Variants in ZNF804A observed in about 807,000 individuals in gnomAD.
ZNF804A encodes the protein zinc finger protein 804A.
A neutral mutation model predicts 16.5 loss-of-function variants in ZNF804A; 2 were observed. The ratio of observed to expected loss-of-function variants is 0.12; its 90% confidence interval spans 0.05 to 0.38. ZNF804A has a LOEUF of 0.38. Ranked by LOEUF, ZNF804A falls within the 10% of genes least tolerant of loss-of-function variation. The pLI is 0.99. For missense variants in ZNF804A, 1,473 were observed against 1,390.7 expected (o/e 1.06, Z -0.94); for synonymous variants, 534 against 489.6 (o/e 1.09, Z -1.20).
intron 2 of ZNF804A, among the ~76,000 whole-genome samples, chr2:184,881,637 A>T (rs2105817951): frequency 6.6e-6 from 1 of 152,182 alleles, no homozygotes; most frequent in Admixed American, 6.5e-5. Flanking sequence ...TAAAGAAAAG[A>T]ATTACTAAGA....
At chr2:184,850,329 G>C (rs1425088601) in intron 1 of ZNF804A, among the ~76,000 whole-genome samples, 1 of 151,788 alleles carries the variant, frequency 6.6e-6, no homozygotes, top group Admixed American at 6.6e-5. Flanking sequence ...AACATCATGT[G>C]TACCCATAAT....
At chr2:184,801,661 G>A (rs1021166111) in intron 1 of ZNF804A, among the ~76,000 whole-genome samples, 11 of 151,878 alleles carry the variant, frequency 7.2e-5, no homozygotes, top group Admixed American at 2.0e-4. Flanking sequence ...GAGTTTTTAC[G>A]TTTCTGCTTA....
At chr2:184,652,125 G>GT (rs1314503398) in intron 1 of ZNF804A, among the ~76,000 whole-genome samples, 1 of 152,188 alleles carries the variant, frequency 6.6e-6, no homozygotes, top group South Asian at 2.1e-4. Context: ...ACAAAATCAA[G>GT]TTTTTTTGCA....
chr2:184,895,605 C>T (rs1685052283), intron 2 of ZNF804A, among the ~76,000 whole-genome samples: 1 of 152,204 alleles, frequency 6.6e-6, no homozygotes, highest in South Asian at 2.1e-4. Flanking sequence ...AGTTATAATT[C>T]TGTGCCTAAT....
intron 1 of ZNF804A, among the ~76,000 whole-genome samples, chr2:184,750,987 T>C (rs535229142): frequency 1.3e-5 from 2 of 151,636 alleles, no homozygotes; most frequent in African/African-American, 4.8e-5. Context: ...CTGTTCACCC[T>C]GTTGCCACAA....
chr2:184,624,142 G>A (rs1574136246), intron 1 of ZNF804A, among the ~76,000 whole-genome samples: 1 of 152,098 alleles, frequency 6.6e-6, no homozygotes, highest in African/African-American at 2.4e-5. Context: ...TTAAAGGAGT[G>A]TTGGCTCCAT....
intron 1 of ZNF804A, among the ~76,000 whole-genome samples, chr2:184,637,394 A>G (rs534794332): frequency 1.1e-4 from 16 of 152,286 alleles, no homozygotes; most frequent in South Asian, 6.2e-4. Context: ...ACTTAGGAGA[A>G]TATTTCCAGT....
At chr2:184,681,702 C>T (rs548057532) in intron 1 of ZNF804A, among the ~76,000 whole-genome samples, 2 of 152,154 alleles carry the variant, frequency 1.3e-5, no homozygotes, top group Admixed American at 6.5e-5. Context: ...AAGTGCAGCC[C>T]GGACTGTGCA....
At chr2:184,784,735 C>G (rs113799717) in intron 1 of ZNF804A, among the ~76,000 whole-genome samples, 2,212 of 152,082 alleles carry the variant, frequency 0.015, 59 homozygotes, top group African/African-American at 0.05. Flanking sequence ...CAGCTGATTT[C>G]TCTCTGAAAT....
At chr2:184,784,512 G>T in intron 1 of ZNF804A, among the ~76,000 whole-genome samples, 1 of 151,802 alleles carries the variant, frequency 6.6e-6, no homozygotes, top group Admixed American at 6.6e-5. Context: ...ACAGCAGTAG[G>T]AAATAGGCTT....
chr2:184,882,293 G>C (rs1684820502), intron 2 of ZNF804A, among the ~76,000 whole-genome samples: 1 of 152,010 alleles, frequency 6.6e-6, no homozygotes, highest in African/African-American at 2.4e-5. Flanking sequence ...GGAGCACCCA[G>C]ATTCATAAAG....
intron 1 of ZNF804A, among the ~76,000 whole-genome samples, chr2:184,676,520 T>C (rs1434317930): frequency 6.6e-6 from 1 of 151,608 alleles, no homozygotes; most frequent in Non-Finnish European, 1.5e-5. Flanking sequence ...CTGAACAAAT[T>C]GATGAAGACA....
chr2:184,828,169 A>G (rs944679272), intron 1 of ZNF804A, among the ~76,000 whole-genome samples: 1 of 151,834 alleles, frequency 6.6e-6, no homozygotes, highest in Non-Finnish European at 1.5e-5. Context: ...ACTGTAAAAA[A>G]CAAGATAGGT....
At chr2:184,599,131 A>G in intron 1 of ZNF804A, 61 bp downstream of exon 1, 1 of 1,314,030 alleles carries the variant, frequency 7.6e-7, no homozygotes, top group South Asian at 1.2e-5. Flanking sequence ...TGGAAGATTG[A>G]GTTTTTGGAG....
At chr2:184,669,601 T>C (rs1692310198) in intron 1 of ZNF804A, among the ~76,000 whole-genome samples, 1 of 152,022 alleles carries the variant, frequency 6.6e-6, no homozygotes, top group East Asian at 1.9e-4. Context: ...GGCTGATGAG[T>C]AGTTGTGAAA....
chr2:184,901,677 G>T (rs1337400835), intron 2 of ZNF804A, among the ~76,000 whole-genome samples: 1 of 152,030 alleles, frequency 6.6e-6, no homozygotes, highest in South Asian at 2.1e-4. Context: ...AACCGTCATT[G>T]AATATTTTTG....
intron 1 of ZNF804A, among the ~76,000 whole-genome samples, chr2:184,729,419 A>G (rs1230889448): frequency 6.6e-6 from 1 of 152,000 alleles, no homozygotes; most frequent in Non-Finnish European, 1.5e-5. Context: ...ATATGCCAAC[A>G]GTGAAACCAT....
intron 1 of ZNF804A, among the ~76,000 whole-genome samples, chr2:184,822,366 A>G (rs1695098662): frequency 6.6e-6 from 1 of 152,088 alleles, no homozygotes; most frequent in Non-Finnish European, 1.5e-5. Flanking sequence ...CTATGAAAAC[A>G]TCTGGACACA....
At chr2:184,741,684 GTTC>G (rs1693710835) in intron 1 of ZNF804A, among the ~76,000 whole-genome samples, 1 of 152,108 alleles carries the variant, frequency 6.6e-6, no homozygotes. Context: ...CACTGCTGAA[GTTC>G]TAAATGCTAT....
Sources: gnomAD v4.1 joint callset for allele counts (sites outside exome capture counted in the v4.1 genomes callset) on GRCh38, gnomAD v4.1.1 for gene constraint, MANE v1.5 for transcripts, NCBI Gene and HGNC (gene_info 2026-07-23, HGNC 2026-07-21) for gene names.